ROBO2: variants seen among roughly 807,000 people sequenced by gnomAD.
ROBO2 encodes the protein roundabout guidance receptor 2.
A neutral mutation model predicts 160.8 loss-of-function variants in ROBO2; 53 were observed. The observed-to-expected ratio is 0.33, with a 90% CI of 0.26 to 0.41. The LOEUF (loss-of-function observed/expected upper bound fraction) is 0.41, where lower values mean the gene tolerates loss of function less well. Ranked by LOEUF, ROBO2 falls within the 10% of genes least tolerant of loss-of-function variation. The probability of loss-of-function intolerance (pLI) is 1.00; values close to 1 mark genes in which losing one functional copy is unlikely to be tolerated. For synonymous variants in ROBO2, 664 were observed against 611.7 expected (o/e 1.09, Z -1.26); for missense variants, 1,577 against 1,722.4 (o/e 0.92, Z 1.49).
At chr3:76,895,470 T>C (rs2074695015) in intron 2 of ROBO2, among the ~76,000 whole-genome samples, 1 of 152,102 alleles carries the variant, frequency 6.6e-6, no homozygotes, top group African/African-American at 2.4e-5. Context: ...CATTATACTT[T>C]ATCATAGCAT....
chr3:76,421,695 C>T (rs564353641), intron 2 of ROBO2, among the ~76,000 whole-genome samples: 1 of 150,486 alleles, frequency 6.6e-6, no homozygotes, highest in East Asian at 2.0e-4. Context: ...CATTACACTT[C>T]AGTCTGGGCA....
At chr3:76,521,530 ATATTT>A (rs1171013044) in intron 2 of ROBO2, among the ~76,000 whole-genome samples, 1 of 152,154 alleles carries the variant, frequency 6.6e-6, no homozygotes, top group Non-Finnish European at 1.5e-5. Flanking sequence ...CAAATTTGAA[ATATTT>A]TATTTACTAA....
chr3:77,072,653 C>T lies in ROBO2; in HGVS notation c.62-25361C>T, dbSNP rs148752052. On this transcript the variant is annotated intron_variant, in intron 1 of 25. Transcript: ENST00000461745. ...GATTGCATTTATCATAATTTCGAAA[C>T]ATATACACAATGGGATAGTAACCTC... 2.7e-3 allele frequency among the ~76,000 whole-genome samples: 413 copies of T among 152,268 alleles called. 4 individuals are homozygous for T. The highest frequency in any genetic ancestry group is 9.3e-3 in the African/African-American group (387 of 41,554).
intron 2 of ROBO2, among the ~76,000 whole-genome samples, chr3:76,277,604 C>G (rs1054869791): frequency 4.0e-5 from 6 of 151,812 alleles, no homozygotes; most frequent in Admixed American, 6.6e-5. Flanking sequence ...ACTACAAAAG[C>G]CTTCAGCAAT....
At chr3:76,183,353 G>A (rs149749670) in intron 2 of ROBO2, among the ~76,000 whole-genome samples, 1 of 152,182 alleles carries the variant, frequency 6.6e-6, no homozygotes, top group East Asian at 1.9e-4. Context: ...AGTTACTGAG[G>A]TGAGCCCAAA....
intron 2 of ROBO2, among the ~76,000 whole-genome samples, chr3:77,164,507 G>A (rs1217215059): frequency 7.0e-6 from 1 of 142,960 alleles, no homozygotes; most frequent in Admixed American, 6.8e-5. Flanking sequence ...CCCCCCGCCC[G>A]GCCAGCCGTG....
At chr3:75,978,574 A>T (rs680031) in intron 2 of ROBO2, among the ~76,000 whole-genome samples, 108,931 of 151,320 alleles carry the variant, frequency 0.72, 41,779 homozygotes, top group South Asian at 0.89. Flanking sequence ...TTTTAAAATT[A>T]CTGTAGTTAT....
chr3:77,267,332 A>G (rs2059191735), intron 2 of ROBO2, among the ~76,000 whole-genome samples: 1 of 152,204 alleles, frequency 6.6e-6, no homozygotes, highest in African/African-American at 2.4e-5. Flanking sequence ...AATAGTCCAG[A>G]AAGTTTTCAT....
At chr3:75,916,607 T>C (rs7614554) in intron 1 of ROBO2, among the ~76,000 whole-genome samples, 127,467 of 152,056 alleles carry the variant, frequency 0.84, 53,507 homozygotes, top group East Asian at 0.93. Context: ...AGTGTGTGCC[T>C]ACACACGTAT....
At chr3:76,412,914 C>T (rs1372508047) in intron 2 of ROBO2, among the ~76,000 whole-genome samples, 2 of 152,232 alleles carry the variant, frequency 1.3e-5, no homozygotes, top group African/African-American at 4.8e-5. Flanking sequence ...TCTGACCCCA[C>T]ATTTCCCTTC....
At chr3:77,268,617 C>T (rs889338144) in intron 2 of ROBO2, among the ~76,000 whole-genome samples, 1 of 152,174 alleles carries the variant, frequency 6.6e-6, no homozygotes, top group Non-Finnish European at 1.5e-5. Flanking sequence ...CACATCAGTA[C>T]AATTTCTCTA....
exon 16 of ROBO2, chr3:77,580,075 T>A: frequency 6.2e-7 from 1 of 1,613,838 alleles, no homozygotes; most frequent in Non-Finnish European, 8.5e-7. Flanking sequence ...CTAGTACCAG[T>A]GCAGGGGTTG....
chr3:76,901,351 A>C (rs764369852), intron 2 of ROBO2, among the ~76,000 whole-genome samples: 1 of 152,028 alleles, frequency 6.6e-6, no homozygotes, highest in African/African-American at 2.4e-5. Context: ...CCTGGCTCAT[A>C]ATAGGCACTC....
At chr3:77,621,823 G>A (rs2094906860) in intron 22 of ROBO2, among the ~76,000 whole-genome samples, 1 of 152,122 alleles carries the variant, frequency 6.6e-6, no homozygotes, top group Non-Finnish European at 1.5e-5. Flanking sequence ...AGGGCCAGCA[G>A]GCAGCATGGG....
chr3:76,916,508 A>ATTTTTTTTTTTTTTTT (rs1240222427), intron 2 of ROBO2, among the ~76,000 whole-genome samples: 1 of 147,376 alleles, frequency 6.8e-6, no homozygotes, highest in African/African-American at 2.4e-5. Context: ...TGCCCCACTA[A>ATTTTTTTTTTTTTTTT]TTTTTTTATT....
At chr3:77,283,455 AGAT>A (rs1209472876) in intron 2 of ROBO2, among the ~76,000 whole-genome samples, 8 of 152,364 alleles carry the variant, frequency 5.3e-5, no homozygotes, top group African/African-American at 1.7e-4. Context: ...CAATTTACAA[AGAT>A]GACAAAGCTT....
intron 9 of ROBO2, among the ~76,000 whole-genome samples, chr3:77,558,639 G>T (rs1213320985): frequency 6.6e-6 from 1 of 152,042 alleles, no homozygotes; most frequent in African/African-American, 2.4e-5. Context: ...TTAAGTTGTT[G>T]TGTAGTTTAG....
intron 2 of ROBO2, among the ~76,000 whole-genome samples, chr3:76,560,094 T>C (rs1205881238): frequency 6.6e-6 from 1 of 152,092 alleles, no homozygotes; most frequent in Non-Finnish European, 1.5e-5. Context: ...TCTTTTATTT[T>C]TCTCCCAGTT....
intron 2 of ROBO2, among the ~76,000 whole-genome samples, chr3:76,611,262 C>T (rs570986999): frequency 9.2e-5 from 14 of 152,152 alleles, no homozygotes; most frequent in Admixed American, 3.3e-4. Flanking sequence ...AGGACCCATC[C>T]CTGTCTGCCT....
Sources: gnomAD v4.1 joint callset for allele counts (sites outside exome capture counted in the v4.1 genomes callset) on GRCh38, gnomAD v4.1.1 for gene constraint, MANE v1.5 for transcripts, NCBI Gene and HGNC (gene_info 2026-07-23, HGNC 2026-07-21) for gene names.